B4GALNT4: variants seen among roughly 807,000 people sequenced by gnomAD.
B4GALNT4 encodes beta-1,4-N-acetyl-galactosaminyltransferase 4.
A neutral mutation model predicts 110.0 loss-of-function variants in B4GALNT4; 77 were observed. The observed-to-expected ratio is 0.70, with a 90% CI of 0.58 to 0.85. B4GALNT4 has a LOEUF of 0.85. B4GALNT4 is among the 40% of genes least tolerant of loss of function. B4GALNT4 has a pLI of 0.00. For synonymous variants in B4GALNT4, 785 were observed against 655.5 expected (o/e 1.20, Z -3.02); for missense variants, 1,575 against 1,506.0 (o/e 1.05, Z -0.76).
chr11:380,800 A>G, intron 18 of B4GALNT4, 25 bp from the exon 19 acceptor site: 1 of 1,613,530 alleles, frequency 6.2e-7, no homozygotes, highest in Non-Finnish European at 8.5e-7. Flanking sequence ...TCTGAAGGGT[A>G]GCACCCCTCA....
In B4GALNT4 at chr11:379,420, G is replaced by A. The variant is rs556454173; in HGVS notation, c.2207G>A (p.Arg736His). 19 of 1,512,242 alleles carry A rather than the reference G, an allele frequency of 1.3e-5. No homozygotes were observed. In the African/African-American group the frequency reaches 2.4e-4, roughly 19 times the overall value. The allele number at this position is 1,512,242 out of a possible 1,614,324, so 93.7% of individuals were successfully genotyped here. A position where few individuals can be genotyped will look rare whatever the true frequency, so the allele number is the denominator to read the frequency against. The change falls in exon 15 of 20, where the codon CGC becomes CAC. Residue 736 changes from arginine to histidine, a missense_variant and splice_region_variant. Coordinates refer to ENST00000329962, the MANE Select transcript of B4GALNT4 (RefSeq NM_178537.5). ...MERLNARHGGRFALLRIVNVE... is the reference protein window; with the variant it reads ...MERLNARHGGHFALLRIVNVE... ...CGGCTGACCGCTGAGCCTTGCAGGC[G>A]CTTCGCGCTTCTGCGCATCGTGAAC... is the stretch of plus-strand genomic sequence containing the variant.
intron 14 of B4GALNT4, among the ~76,000 whole-genome samples, chr11:378,405 T>C (rs10902142): frequency 0.4 from 60,053 of 152,002 alleles, 13,006 homozygotes; most frequent in African/African-American, 0.57. Flanking sequence ...GCTCGTCATT[T>C]CTTGGGGGCC....
At position 381,961 on chromosome 11, in the gene B4GALNT4, A is replaced by AC; in HGVS notation, c.*169_*170insC. Reference sequence around the variant, plus strand: ...GCGTCGTGCCCCTCCCCGGAGAGGCAGCCTTCACGGCGGGTCAGGGCCTGG... The same window carrying AC: ...GCGTCGTGCCCCTCCCCGGAGAGGCACGCCTTCACGGCGGGTCAGGGCCTGG... On this transcript the variant is annotated 3_prime_UTR_variant, in exon 20 of 20. Transcript: ENST00000329962. 1.3e-6 allele frequency: 1 copy of AC among 775,448 alleles called. No homozygotes were observed. Among genetic ancestry groups the AC allele is most frequent in the Non-Finnish European group, 1.9e-6 (1 of 539,980 alleles). 48.0% of individuals were successfully genotyped at this position (775,448 alleles called of 1,614,324 possible).
At chr11:379,308 A>G in intron 14 of B4GALNT4, 110 bp from the exon 15 acceptor site, 1 of 1,234,616 alleles carries the variant, frequency 8.1e-7, no homozygotes, top group African/African-American at 1.6e-5. Flanking sequence ...CGGAGCCCGC[A>G]GCCTCCGCCA....
At position 376,299 on chromosome 11, in the gene B4GALNT4, G is replaced by C. The variant is rs1192909101; in HGVS notation, c.1245G>C (p.Glu415Asp). Residue 415 changes from glutamate (E) to aspartate (D), a missense_variant, in exon 13 of 20, where the codon GAG becomes GAC. Glu to Asp is a conservative substitution (Grantham distance 45, BLOSUM62 2). Transcript: ENST00000329962. The part of the protein sequence containing the change: ...YMKMDKEEGD[E>D]DEEDEVQRRA... ...AGATGGACAAGGAGGAGGGGGATGA[G>C]GATGAAGAAGACGAGGTGCAGCGCC... 1 of 1,610,580 alleles carries C rather than the reference G, an allele frequency of 6.2e-7. No homozygotes were observed. The highest frequency in any genetic ancestry group is 2.2e-5 in the East Asian group (1 of 44,796).
intron 1 of B4GALNT4, among the ~76,000 whole-genome samples, chr11:370,158 AG>A (rs1373873791): frequency 3.0e-5 from 4 of 132,840 alleles, no homozygotes; most frequent in South Asian, 5.0e-4. Flanking sequence ...ATTTGGGGGG[AG>A]GGGGCGCGGT....
At position 378,473 on chromosome 11, in the gene B4GALNT4, G is replaced by A. The variant is rs539784598; in HGVS notation, c.2205-945G>A. ...TGCCCACCTGGGTATGGCTCAAGGA[G>A]CAACAGTGTAGAGAGACCAAGAGCA... On this transcript the variant is annotated intron_variant, in intron 14 of 19. Coordinates refer to ENST00000329962, the MANE Select transcript of B4GALNT4 (RefSeq NM_178537.5). 7.9e-5 allele frequency among the ~76,000 whole-genome samples: 12 copies of A among 152,310 alleles called. No individual in the cohort carries two copies. In the South Asian group the frequency reaches 2.5e-3, roughly 32 times the overall value.
At chr11:375,817 C>A in intron 10 of B4GALNT4, 30 bp from the exon 11 acceptor site, 1 of 1,604,272 alleles carries the variant, frequency 6.2e-7, no homozygotes, top group South Asian at 1.1e-5. Context: ...GGTGCCTGCC[C>A]CAGCCACCCT....
Position 369,877 on chromosome 11 carries a change from C to T in B4GALNT4, c.74C>T (p.Ala25Val). 2.0e-6 allele frequency: 2 copies of T among 996,224 alleles called. No individual in the cohort carries two copies. The highest frequency in any genetic ancestry group is 4.4e-5 in the South Asian group (1 of 22,526). 61.7% of individuals were successfully genotyped at this position (996,224 alleles called of 1,614,324 possible). A position where few individuals can be genotyped will look rare whatever the true frequency, so the allele number is the denominator to read the frequency against. ...CTGCTGCTGCTGCTGCTGAGCTGCG[C>T]CGCGTGGCTCACCTACGTGCACCTG... ...LLLLLLLLSCAAWLTYVHLGL... is the reference protein window; with the variant it reads ...LLLLLLLLSCVAWLTYVHLGL... Residue 25 changes from alanine to valine, a missense_variant, in exon 1 of 20, where the codon GCC becomes GTC. Transcript: ENST00000329962.
chr11:377,640 C>T (rs1024447203), intron 14 of B4GALNT4, among the ~76,000 whole-genome samples: 1 of 152,236 alleles, frequency 6.6e-6, no homozygotes. Flanking sequence ...TGAGTCCAAG[C>T]TGCAGAGATC....
chr11:380,462 C>A lies in B4GALNT4; in HGVS notation c.2869+17C>A, dbSNP rs1339837102. 1.3e-6 allele frequency: 2 copies of A among 1,553,538 alleles called. No homozygotes were observed. The highest frequency in any genetic ancestry group is 1.4e-5 in the African/African-American group (1 of 70,582). ...ACCCCCACGGTGAGGCCCCGAGCGTCCCACCCTGTGATACCAGGGTTCCCA... is the reference window on the plus strand; with the variant it reads ...ACCCCCACGGTGAGGCCCCGAGCGTACCACCCTGTGATACCAGGGTTCCCA... On this transcript the variant is annotated intron_variant, in intron 18 of 19. Transcript: ENST00000329962.
In B4GALNT4 at chr11:375,764, T is replaced by A. The variant is rs2133571700; in HGVS notation, c.976T>A (p.Phe326Ile). The A allele has an allele frequency of 6.3e-7, 1 of 1,596,704 alleles. No homozygotes were observed. The highest frequency in any genetic ancestry group is 1.7e-4 in the Middle Eastern group (1 of 6,040). Residue 326 changes from phenylalanine to isoleucine, a missense_variant, in exon 10 of 20, where the codon TTT becomes ATT. By Grantham distance (21) the Phe-to-Ile change is conservative (BLOSUM62 0). Transcript: ENST00000329962. The part of the protein sequence containing the change: ...DMLRPDPRDT[F>I]FLTPRMESSS... The stretch of plus-strand genomic sequence containing the variant: ...GCTGCGGCCAGATCCCAGGGATACC[T>A]TTTTCCTCAGTGAGAGGGGGCCCGC...
rs367546215 is a variant in B4GALNT4, at chr11:380,455, C to T, written c.2869+10C>T. On this transcript the variant is annotated intron_variant, in intron 18 of 19. Coordinates refer to ENST00000329962, the MANE Select transcript of B4GALNT4 (RefSeq NM_178537.5). The stretch of plus-strand genomic sequence containing the variant: ...CCCCGGGACCCCCACGGTGAGGCCC[C>T]GAGCGTCCCACCCTGTGATACCAGG... 163 of 1,582,022 alleles carry T rather than the reference C, an allele frequency of 1.0e-4. No individual in the cohort carries two copies. The highest frequency in any genetic ancestry group is 7.0e-5 in the East Asian group (3 of 42,710).
rs944850353 is a variant in B4GALNT4, at chr11:377,464, C to T, written c.2204+137C>T. On this transcript the variant is annotated intron_variant, in intron 14 of 19. Transcript: ENST00000329962. ...TACCGGCCTGGGGGCTGAGGCACCG[C>T]GCCCCACCCCAGGGAAGCCCCAGCT... 2.5e-5 allele frequency: 24 copies of T among 942,150 alleles called. No homozygotes were observed. In the African/African-American group the frequency reaches 2.6e-4, roughly 10 times the overall value. The allele number at this position is 942,150 out of a possible 1,614,324, so 58.4% of individuals were successfully genotyped here. A position where few individuals can be genotyped will look rare whatever the true frequency, so the allele number is the denominator to read the frequency against.
intron 14 of B4GALNT4, among the ~76,000 whole-genome samples, chr11:378,303 G>A (rs1438726987): frequency 6.6e-6 from 1 of 152,174 alleles, no homozygotes; most frequent in Non-Finnish European, 1.5e-5. Flanking sequence ...GGTGGTGGTG[G>A]TGACTGACAG....
At chr11:374,114 C>T (rs1846676071) in intron 8 of B4GALNT4, among the ~76,000 whole-genome samples, 1 of 151,832 alleles carries the variant, frequency 6.6e-6, no homozygotes, top group East Asian at 1.9e-4. Context: ...ACCACAAGAA[C>T]AGCGAAGGAA....
rs1482745603 is a variant in B4GALNT4 at position 376,405 on chromosome 11, C to T, written c.1298-16C>T. 1 of 1,600,816 alleles carries T rather than the reference C, an allele frequency of 6.2e-7. No individual in the cohort carries two copies. The highest frequency in any genetic ancestry group is 8.5e-7 in the Non-Finnish European group (1 of 1,177,838). ...ACCCACCTGCGCAGGGAGCTTCTAA[C>T]CCGCGTTTCCCGCAGACTTCCTGGA... On this transcript the variant is annotated splice_polypyrimidine_tract_variant and intron_variant, in intron 13 of 19. Coordinates refer to ENST00000329962, the MANE Select transcript of B4GALNT4 (RefSeq NM_178537.5).
chr11:380,649 G>A (rs551415223), intron 18 of B4GALNT4, 176 bp from the exon 19 acceptor site: 2 of 1,270,446 alleles, frequency 1.6e-6, no homozygotes, highest in Non-Finnish European at 2.2e-6. Flanking sequence ...CCAGTATCCC[G>A]CGTTTATGCA....
In B4GALNT4 at chr11:375,698, G is replaced by A. The variant is rs151090425; in HGVS notation, c.910G>A (p.Val304Met). The A allele has an allele frequency of 6.3e-5, 100 of 1,594,254 alleles. No homozygotes were observed. Among genetic ancestry groups the A allele is most frequent in the East Asian group, 9.0e-5 (4 of 44,686 alleles). ...CGTCCCCCAGTCTCCAGCCAGCCAC[G>A]TGGGGGGGCGTCCGCCGCAGGAGGA... ...AHVPQSPASH[V>M]GGRPPQEETS... Residue 304 changes from valine to methionine, a missense_variant, in exon 10 of 20, where the codon GTG becomes ATG. By Grantham distance (21) the Val-to-Met change is conservative (BLOSUM62 1). Transcript: ENST00000329962.
Sources: allele counts gnomAD v4.1 joint callset (sites outside exome capture counted in the v4.1 genomes callset), GRCh38; gene constraint gnomAD v4.1.1; transcripts MANE v1.5; gene names NCBI Gene and HGNC (gene_info 2026-07-23, HGNC 2026-07-21).